The following BTBD18 variants were observed in gnomAD, a reference collection of about 807,000 sequenced individuals.
BTBD18 encodes the protein BTB/POZ domain-containing protein 18.
For missense variants in BTBD18, 787 were observed against 846.3 expected (o/e 0.93, Z 0.87); for synonymous variants, 311 against 324.4 (o/e 0.96, Z 0.44).
In BTBD18 at chr11:57,751,646, A is replaced by G. The variant is rs866899860; in HGVS notation, c.-154T>C. The G allele has an allele frequency of 6.6e-6, 1 of 152,550 alleles. No homozygotes were observed. The highest frequency in any genetic ancestry group is 2.4e-5 in the African/African-American group (1 of 41,468). The allele number at this position is 152,550 out of a possible 1,614,324, so 9.4% of individuals were successfully genotyped here. On this transcript the variant is annotated 5_prime_UTR_variant, in exon 1 of 3. Transcript: ENST00000422652. ...TACCAAGCCCCAAATGGTAACTATT[A>G]TTATCCTTCAACCTTCCTCATTTCC...
intron 2 of BTBD18, among the ~76,000 whole-genome samples, chr11:57,749,735 G>A (rs907198469): frequency 2.8e-5 from 3 of 107,162 alleles, no homozygotes; most frequent in African/African-American, 3.8e-5. Flanking sequence ...GGGCGACAGC[G>A]CAAGAATCTC....
chr11:57,752,962 C>T (rs560834193), upstream of BTBD18, among the ~76,000 whole-genome samples: 4 of 152,338 alleles, frequency 2.6e-5, no homozygotes, highest in African/African-American at 9.6e-5. Context: ...TCCGGGAGGC[C>T]CAAAGTCAGG....
chr11:57,748,165 T>G (rs1048839011), intron 2 of BTBD18, among the ~76,000 whole-genome samples: 3 of 151,976 alleles, frequency 2.0e-5, no homozygotes, highest in African/African-American at 7.2e-5. Flanking sequence ...CAAGTGATCC[T>G]CCTTCCTTGG....
At chr11:57,747,424 C>T (rs1025505785) in intron 2 of BTBD18, among the ~76,000 whole-genome samples, 1 of 152,220 alleles carries the variant, frequency 6.6e-6, no homozygotes, top group Non-Finnish European at 1.5e-5. Context: ...CATATTCACC[C>T]AGTTGCCTGA....
At position 57,745,389 on chromosome 11, in the gene BTBD18, C is replaced by A. The variant is rs368415279; in HGVS notation, c.884G>T (p.Arg295Leu). ...GSSSVPATPGRRLWRQRSVNK... is the reference protein window; with the variant it reads ...GSSSVPATPGLRLWRQRSVNK... ...TACACTCCTCTGCCGCCAAAGACGC[C>A]GGCCAGGGGTTGCAGGCACTGAGCT... Residue 295 changes from arginine to leucine, a missense_variant, in exon 3 of 3, where the codon CGG (arginine) becomes CTG (leucine). Arg to Leu is a moderately radical substitution (Grantham distance 102). Transcript: ENST00000422652. 6.4e-7 allele frequency: 1 copy of A among 1,551,544 alleles called. No individual in the cohort carries two copies. Among genetic ancestry groups the A allele is most frequent in the South Asian group, 1.2e-5 (1 of 84,054 alleles).
chr11:57,751,265 C>G (rs773232208), intron 1 of BTBD18, 29 bp from the exon 2 acceptor site: 43 of 1,182,644 alleles, frequency 3.6e-5, no homozygotes, highest in Non-Finnish European at 4.4e-5. Context: ...ATTTCAGAGG[C>G]ATGGTTACAT....
rs115037659 is a variant in BTBD18, at chr11:57,745,669, A to G, written c.604T>C (p.Ser202Pro). The G allele has an allele frequency of 1.4e-3, 2,205 of 1,551,640 alleles. 36 individuals are homozygous for G. The African/African-American group carries it at 0.027, about 19-fold the overall frequency. The change falls in exon 3 of 3, where the codon TCT becomes CCT. Residue 202 changes from serine to proline, a missense_variant. Coordinates refer to ENST00000422652, the MANE Select transcript of BTBD18 (RefSeq NM_001145101.3). ...TTCCTCTTGAGCAGAAGAGTGCCAG[A>G]CAAATTGTCTGCATTCTGTCGGTTG... ...ENNRQNADNLSGTLLLKRKAR... is the reference protein window; with the variant it reads ...ENNRQNADNLPGTLLLKRKAR...
chr11:57,744,883 T>C lies in BTBD18; in HGVS notation c.1390A>G (p.Arg464Gly). 6.4e-7 allele frequency: 1 copy of C among 1,551,686 alleles called. No individual in the cohort carries two copies. Among genetic ancestry groups the C allele is most frequent in the Non-Finnish European group, 8.7e-7 (1 of 1,146,958 alleles). The stretch of plus-strand genomic sequence containing the variant: ...GCTGTGTCAAATGCATAGGGTTCTC[T>C]GCAGTCAATAGCCAACATAGGTTCC... ...EKEPMLAIDC[R>G]EPYAFDTALL... Residue 464 changes from arginine (R) to glycine (G), a missense_variant, in exon 3 of 3, where the codon AGA (arginine) becomes GGA (glycine). Arg to Gly is a moderately radical substitution (Grantham distance 125). Coordinates refer to ENST00000422652, the MANE Select transcript of BTBD18 (RefSeq NM_001145101.3).
rs960281278 is a variant in BTBD18 at position 57,743,863 on chromosome 11, C to G, written c.*271G>C. 2 of 336,234 alleles carry G rather than the reference C, an allele frequency of 5.9e-6. No homozygotes were observed. The highest frequency in any genetic ancestry group is 1.1e-5 in the Non-Finnish European group (2 of 182,488). The allele number at this position is 336,234 out of a possible 1,614,324, so 20.8% of individuals were successfully genotyped here. A position where few individuals can be genotyped will look rare whatever the true frequency, so the allele number is the denominator to read the frequency against. On this transcript the variant is annotated 3_prime_UTR_variant, in exon 3 of 3. Coordinates refer to ENST00000422652, the MANE Select transcript of BTBD18 (RefSeq NM_001145101.3). ...GCCTTGGCTGTTACCTATGACCCAC[C>G]AGAATTGGGGAGCACACAGTTTGTT... is the stretch of plus-strand genomic sequence containing the variant.
In BTBD18 at chr11:57,745,752, C is replaced by T; in HGVS notation, c.521G>A (p.Cys174Tyr). 6.4e-7 allele frequency: 1 copy of T among 1,551,616 alleles called. No homozygotes were observed. Among genetic ancestry groups the T allele is most frequent in the Non-Finnish European group, 8.7e-7 (1 of 1,146,966 alleles). Residue 174 changes from cysteine to tyrosine, a missense_variant, in exon 3 of 3, where the codon TGT (cysteine) becomes TAT (tyrosine). By Grantham distance (194) the Cys-to-Tyr change is radical. Coordinates refer to ENST00000422652, the MANE Select transcript of BTBD18 (RefSeq NM_001145101.3). ...HTPLPTNQTP[C>Y]PLGAIRLKSL... is the part of the protein sequence containing the mutation. ...CTTCAATCTTATTGCCCCAAGAGGA[C>T]AAGGAGTTTGATTAGTGGGCAGTGG...
chr11:57,744,822 C>T lies in BTBD18; in HGVS notation c.1451G>A (p.Arg484Gln), dbSNP rs1469316551. 1.0e-5 allele frequency: 16 copies of T among 1,551,594 alleles called. No individual in the cohort carries two copies. Among genetic ancestry groups the T allele is most frequent in the South Asian group, 1.2e-5 (1 of 84,054 alleles). ...LEQPCEAEEYRITSAAATSEL... is the reference protein window; with the variant it reads ...LEQPCEAEEYQITSAAATSEL... ...ACTGGTGGCAGCAGCACTTGTGATT[C>T]GGTACTCCTCAGCCTCACAGGGCTG... Residue 484 changes from arginine (R) to glutamine (Q), a missense_variant, in exon 3 of 3, where the codon CGA becomes CAA. Coordinates refer to ENST00000422652, the MANE Select transcript of BTBD18 (RefSeq NM_001145101.3).
chr11:57,747,704 G>C (rs1354338869), intron 2 of BTBD18, among the ~76,000 whole-genome samples: 2 of 151,964 alleles, frequency 1.3e-5, no homozygotes, highest in Non-Finnish European at 2.9e-5. Context: ...TCACCATGTT[G>C]GCCAGGCTGA....
intron 2 of BTBD18, among the ~76,000 whole-genome samples, chr11:57,749,922 C>G (rs1949272511): frequency 6.6e-6 from 1 of 152,142 alleles, no homozygotes; most frequent in South Asian, 2.1e-4. Flanking sequence ...ATATCAGGAT[C>G]TACTTAGTAA....
In BTBD18 at chr11:57,746,086, G is replaced by T; in HGVS notation, c.187C>A (p.Leu63Met). ...CCCTGAGCTGGCCTCTCCCGCTCCAGGCGCTCTGTGAAGAAGGGGCTACAA... is the reference window on the plus strand; with the variant it reads ...CCCTGAGCTGGCCTCTCCCGCTCCATGCGCTCTGTGAAGAAGGGGCTACAA... ...SACSPFFTER[L>M]ERERPAQGGK... The change falls in exon 3 of 3, where the codon CTG becomes ATG. Residue 63 changes from leucine (L) to methionine (M), a missense_variant. Physicochemically the swap from Leu to Met is conservative, Grantham distance 15. Coordinates refer to ENST00000422652, the MANE Select transcript of BTBD18 (RefSeq NM_001145101.3). The T allele has an allele frequency of 6.4e-7, 1 of 1,551,576 alleles. No homozygotes were observed. The highest frequency in any genetic ancestry group is 8.7e-7 in the Non-Finnish European group (1 of 1,146,940).
chr11:57,744,305 C>T lies in BTBD18; in HGVS notation c.1968G>A (p.Lys656=), dbSNP rs1384259905. Reference sequence around the variant, plus strand: ...GTAGTTCAGAGTGACCAGATACCTCCTTGCCTGCCTTGGGAGAAGGGTATA... The same window carrying T: ...GTAGTTCAGAGTGACCAGATACCTCTTTGCCTGCCTTGGGAGAAGGGTATA... ...ELLYPSPKAG[K]EVSGHSELLG... is the part of the protein sequence containing the mutation. Residue 656 remains lysine, a synonymous_variant, in exon 3 of 3, where the codon AAG becomes AAA. Coordinates refer to ENST00000422652, the MANE Select transcript of BTBD18 (RefSeq NM_001145101.3). 6.4e-7 allele frequency: 1 copy of T among 1,551,550 alleles called. No homozygotes were observed. The highest frequency in any genetic ancestry group is 1.2e-5 in the South Asian group (1 of 84,064).
chr11:57,750,232 C>T (rs2135702076), intron 2 of BTBD18, among the ~76,000 whole-genome samples: 1 of 151,976 alleles, frequency 6.6e-6, no homozygotes, highest in Non-Finnish European at 1.5e-5. Flanking sequence ...AAAAAATTTT[C>T]CGGGTGTGGT....
Position 57,745,824 on chromosome 11 carries a change from G to A in BTBD18, c.449C>T (p.Ala150Val). The A allele has an allele frequency of 1.3e-6, 2 of 1,551,672 alleles. No homozygotes were observed. Among genetic ancestry groups the A allele is most frequent in the Non-Finnish European group, 1.7e-6 (2 of 1,146,994 alleles). The change falls in exon 3 of 3, where the codon GCA (alanine) becomes GTA (valine). Residue 150 changes from alanine to valine, a missense_variant. By Grantham distance (64) the Ala-to-Val change is moderately conservative. Coordinates refer to ENST00000422652, the MANE Select transcript of BTBD18 (RefSeq NM_001145101.3). ...TGTCACCACTCTGGCAGAGATTGGTGCAGCACTTGTTGGTTGTAAGCACTC... is the reference window on the plus strand; with the variant it reads ...TGTCACCACTCTGGCAGAGATTGGTACAGCACTTGTTGGTTGTAAGCACTC... ...NRECLQPTSA[A>V]PISARVVTPS...
chr11:57,743,658 C>A lies in BTBD18; in HGVS notation c.*476G>T, dbSNP rs1949136744. 6.5e-6 allele frequency: 1 copy of A among 154,060 alleles called. No homozygotes were observed. Among genetic ancestry groups the A allele is most frequent in the Admixed American group, 6.4e-5 (1 of 15,516 alleles). 9.5% of individuals were successfully genotyped at this position (154,060 alleles called of 1,614,324 possible). A position where few individuals can be genotyped will look rare whatever the true frequency, so the allele number is the denominator to read the frequency against. On this transcript the variant is annotated 3_prime_UTR_variant, in exon 3 of 3. Transcript: ENST00000422652. ...CTTCCTAATACTGGCAGTGAATAAG[C>A]CCCACGTTGGGTGCTGGACAGCATC...
rs1245326278 is a variant in BTBD18 at position 57,746,093 on chromosome 11, T to C, written c.180A>G (p.Thr60=). Reference sequence around the variant, plus strand: ...CTGGCCTCTCCCGCTCCAGGCGCTCTGTGAAGAAGGGGCTACAAGCTGACA... The same window carrying C: ...CTGGCCTCTCCCGCTCCAGGCGCTCCGTGAAGAAGGGGCTACAAGCTGACA... The part of the protein sequence containing the change: ...CILSACSPFF[T]ERLERERPAQ... The change falls in exon 3 of 3, where the codon ACA becomes ACG. Residue 60 remains threonine, a synonymous_variant. Transcript: ENST00000422652. The C allele has an allele frequency of 1.3e-6, 2 of 1,551,404 alleles. No homozygotes were observed. The highest frequency in any genetic ancestry group is 2.7e-5 in the African/African-American group (2 of 73,028).
Sources: gnomAD v4.1 joint callset for allele counts (sites outside exome capture counted in the v4.1 genomes callset) on GRCh38, gnomAD v4.1.1 for gene constraint, MANE v1.5 for transcripts, NCBI Gene and HGNC (gene_info 2026-07-23, HGNC 2026-07-21) for gene names.